The following SCN4B variants were observed in gnomAD, a reference collection of about 807,000 sequenced individuals.
SCN4B encodes the protein sodium voltage-gated channel beta subunit 4, also known as sodium channel regulatory subunit beta-4.
Under a neutral mutation model 19.6 loss-of-function variants are expected in SCN4B, and 20 were observed. That is an observed-to-expected ratio of 1.02 (90% confidence interval 0.72 to 1.48). The LOEUF (loss-of-function observed/expected upper bound fraction) is 1.48, where lower values mean the gene tolerates loss of function less well. Ranked by LOEUF, SCN4B falls within the 40% of genes most tolerant of loss-of-function variation. The probability of loss-of-function intolerance (pLI) is 0.00; values close to 1 mark genes in which losing one functional copy is unlikely to be tolerated. For synonymous variants in SCN4B, 127 were observed against 122.8 expected (o/e 1.03, Z -0.22); for missense variants, 271 against 287.5 (o/e 0.94, Z 0.42).
chr11:118,152,455 TGAACCAGGCAG>T (rs1217803059), intron 1 of SCN4B, among the ~76,000 whole-genome samples, 147 bp downstream of exon 1: 1 of 152,130 alleles, frequency 6.6e-6, no homozygotes, highest in Non-Finnish European at 1.5e-5. Flanking sequence ...GCACAGCCTA[TGAACCAGGCAG>T]GAACCAGGCA....
At chr11:118,140,016 G>A (rs111587808) in intron 4 of SCN4B, among the ~76,000 whole-genome samples, 2 of 151,576 alleles carry the variant, frequency 1.3e-5, no homozygotes, top group Non-Finnish European at 2.9e-5. Context: ...GGGACTTCAG[G>A]CACACACATC....
rs768656007 is a variant in SCN4B at position 118,145,212 on chromosome 11, C to G, written c.79G>C (p.Val27Leu). The G allele has an allele frequency of 3.7e-6, 6 of 1,613,998 alleles. No individual in the cohort carries two copies. Among genetic ancestry groups the G allele is most frequent in the Non-Finnish European group, 5.1e-6 (6 of 1,179,994 alleles). ...TGLLGLFLLP[V>L]TLSLEVSVGK... Reference sequence around the variant, plus strand: ...ACAGACACCTCCAGCGACAGGGTTACGGGGAGCAGGAAGAGGCCTGTGTAA... The same window carrying G: ...ACAGACACCTCCAGCGACAGGGTTAGGGGGAGCAGGAAGAGGCCTGTGTAA... The change falls in exon 2 of 5, where the codon GTA (valine) becomes CTA (leucine). Residue 27 changes from valine to leucine, a missense_variant. Val to Leu is a conservative substitution (Grantham distance 32, BLOSUM62 1). Coordinates refer to ENST00000324727, the MANE Select transcript of SCN4B (RefSeq NM_174934.4).
Position 118,148,277 on chromosome 11 carries a change from C to G in SCN4B, c.62-3048G>C, listed in dbSNP as rs1410510924. Among the ~76,000 whole-genome samples, 1 of 152,234 alleles carries G rather than the reference C, an allele frequency of 6.6e-6. No homozygotes were observed. Among genetic ancestry groups the G allele is most frequent in the Non-Finnish European group, 1.5e-5 (1 of 68,046 alleles). On this transcript the variant is annotated intron_variant, in intron 1 of 4. Coordinates refer to ENST00000324727, the MANE Select transcript of SCN4B (RefSeq NM_174934.4). This position sits in a 1 kb window ranked among gnomAD's most constrained non-coding sequence, Gnocchi z 4.0. ...CCTCCCAGTCGGGAGTCATGCAGTC[C>G]TGCCAGTTATGTCTGGGAGGGTCAT...
Position 118,135,700 on chromosome 11 carries a change from T to G in SCN4B, c.*1327A>C. ...TGGGGAGGGGAGGGCTGGCGAACCC[T>G]CACCAGCACCACACCAGACTCTGCT... On this transcript the variant is annotated 3_prime_UTR_variant, in exon 5 of 5. Transcript: ENST00000324727. 2.2e-6 allele frequency: 1 copy of G among 454,302 alleles called. No homozygotes were observed. The highest frequency in any genetic ancestry group is 1.6e-5 in the South Asian group (1 of 64,464). The allele number at this position is 454,302 out of a possible 1,614,324, so 28.1% of individuals were successfully genotyped here. A position where few individuals can be genotyped will look rare whatever the true frequency, so the allele number is the denominator to read the frequency against.
intron 1 of SCN4B, among the ~76,000 whole-genome samples, chr11:118,151,267 T>C (rs965600611): frequency 3.3e-5 from 5 of 152,002 alleles, no homozygotes; most frequent in African/African-American, 1.2e-4. Flanking sequence ...TGAAGTGGGG[T>C]AGTTTAATGA....
Position 118,134,956 on chromosome 11 carries a change from G to A in SCN4B, c.*2071C>T, listed in dbSNP as rs1346284234. 2.2e-6 allele frequency: 1 copy of A among 454,136 alleles called. No individual in the cohort carries two copies. The highest frequency in any genetic ancestry group is 4.4e-6 in the Non-Finnish European group (1 of 226,782). The allele number at this position is 454,136 out of a possible 1,614,324, so 28.1% of individuals were successfully genotyped here. A position where few individuals can be genotyped will look rare whatever the true frequency, so the allele number is the denominator to read the frequency against. On this transcript the variant is annotated 3_prime_UTR_variant, in exon 5 of 5. Transcript: ENST00000324727. ...AGAAATCAGCAGTAGACCCTGGGGA[G>A]GAAAGAGAGGATGGTGCCCTTCTTC...
At chr11:118,150,949 G>T (rs1948227753) in intron 1 of SCN4B, among the ~76,000 whole-genome samples, 2 of 152,188 alleles carry the variant, frequency 1.3e-5, no homozygotes, top group Admixed American at 6.5e-5. Context: ...CCACCTACAA[G>T]TCACTCTGCT....
rs989228248 is a variant in SCN4B at position 118,135,196 on chromosome 11, A to G, written c.*1831T>C. 1.5e-5 allele frequency: 7 copies of G among 453,910 alleles called. No individual in the cohort carries two copies. The highest frequency in any genetic ancestry group is 3.1e-5 in the Non-Finnish European group (7 of 226,752). 28.1% of individuals were successfully genotyped at this position (453,910 alleles called of 1,614,324 possible). On this transcript the variant is annotated 3_prime_UTR_variant, in exon 5 of 5. Coordinates refer to ENST00000324727, the MANE Select transcript of SCN4B (RefSeq NM_174934.4). ...GCCCATGACAGGTTCTGGGTAGAGA[A>G]GAATGGGAGGCGCACAGGCAGATCA...
intron 1 of SCN4B, among the ~76,000 whole-genome samples, chr11:118,151,382 C>T (rs1287439736): frequency 6.6e-6 from 1 of 152,204 alleles, no homozygotes; most frequent in Non-Finnish European, 1.5e-5. Flanking sequence ...TGGAATGGCG[C>T]TGTGCCCACC....
chr11:118,146,884 C>G (rs1948183756), intron 1 of SCN4B, among the ~76,000 whole-genome samples: 3 of 151,988 alleles, frequency 2.0e-5, no homozygotes, highest in Admixed American at 2.0e-4. Flanking sequence ...CCAGATCTAC[C>G]CACCAGGGCT....
At chr11:118,138,559 C>T (rs1948054144) in intron 4 of SCN4B, among the ~76,000 whole-genome samples, 2 of 151,856 alleles carry the variant, frequency 1.3e-5, no homozygotes, top group African/African-American at 2.4e-5. Context: ...CAATTACGAC[C>T]CACCGAACTG....
At position 118,137,053 on chromosome 11, in the gene SCN4B, C is replaced by A. The variant is rs992079470; in HGVS notation, c.661G>T (p.Glu221Ter). ...TENGLPGSKA[E>*]EKPPSKV is the part of the protein sequence containing the mutation. ...CACACTTTTGAAGGTGGTTTCTCCT[C>A]TGCCTTGGAGCCAGGCAAGCCGTTC... The change falls in exon 5 of 5, where the codon GAG (glutamate) becomes TAG (stop). Residue 221 changes from glutamate (E) to a stop codon, truncating the protein, a stop_gained. Transcript: ENST00000324727. LOFTEE classifies it high-confidence loss of function. 6.2e-7 allele frequency: 1 copy of A among 1,613,932 alleles called. No homozygotes were observed.
At position 118,134,842 on chromosome 11, in the gene SCN4B, T is replaced by C. The variant is rs1947972937; in HGVS notation, c.*2185A>G. On this transcript the variant is annotated 3_prime_UTR_variant, in exon 5 of 5. Transcript: ENST00000324727. Reference sequence around the variant, plus strand: ...GTTTTTAGACAAAACTTGCCAAGCCTCACAACAGTCCTGTGAGGTAGGTAA... The same window carrying C: ...GTTTTTAGACAAAACTTGCCAAGCCCCACAACAGTCCTGTGAGGTAGGTAA... 6.6e-6 allele frequency: 3 copies of C among 454,050 alleles called. No individual in the cohort carries two copies. Among genetic ancestry groups the C allele is most frequent in the Non-Finnish European group, 8.8e-6 (2 of 226,770 alleles). The allele number at this position is 454,050 out of a possible 1,614,324, so 28.1% of individuals were successfully genotyped here. A position where few individuals can be genotyped will look rare whatever the true frequency, so the allele number is the denominator to read the frequency against.
chr11:118,152,701 G>A lies in SCN4B; in HGVS notation c.-28C>T, dbSNP rs770000494. 16 of 1,570,366 alleles carry A rather than the reference G, an allele frequency of 1.0e-5. No individual in the cohort carries two copies. In the Admixed American group the frequency reaches 2.4e-4, roughly 24 times the overall value. ...TCCTGTTCTCTCCGGAGCGCGCGGG[G>A]GTCGCGGGGATGGGATACTGGGCAC... On this transcript the variant is annotated 5_prime_UTR_variant, in exon 1 of 5. Coordinates refer to ENST00000324727, the MANE Select transcript of SCN4B (RefSeq NM_174934.4).
intron 1 of SCN4B, among the ~76,000 whole-genome samples, chr11:118,150,597 G>C (rs2135509160): frequency 6.6e-6 from 1 of 152,300 alleles, no homozygotes; most frequent in African/African-American, 2.4e-5. Context: ...TGTCCCACTT[G>C]GCCATCAATT....
At position 118,137,009 on chromosome 11, in the gene SCN4B, C is replaced by T; in HGVS notation, c.*18G>A. ...TCAGAAAGGGGGCTCCCTGCAGCTG[C>T]TCAGCCCGAAGCAGGGCTCACACTT... On this transcript the variant is annotated 3_prime_UTR_variant, in exon 5 of 5. Coordinates refer to ENST00000324727, the MANE Select transcript of SCN4B (RefSeq NM_174934.4). 1.3e-6 allele frequency: 2 copies of T among 1,581,828 alleles called. No homozygotes were observed. Among genetic ancestry groups the T allele is most frequent in the Non-Finnish European group, 1.7e-6 (2 of 1,150,710 alleles).
intron 1 of SCN4B, among the ~76,000 whole-genome samples, chr11:118,146,530 G>T (rs1246882189): frequency 6.6e-6 from 1 of 152,150 alleles, no homozygotes; most frequent in Non-Finnish European, 1.5e-5. Flanking sequence ...TGCCCCCACC[G>T]GATGATAATG....
rs1283588553 is a variant in SCN4B at position 118,136,416 on chromosome 11, C to T, written c.*611G>A. 1 of 453,424 alleles carries T rather than the reference C, an allele frequency of 2.2e-6. No individual in the cohort carries two copies. Among genetic ancestry groups the T allele is most frequent in the African/African-American group, 2.0e-5 (1 of 49,794 alleles). 28.1% of individuals were successfully genotyped at this position (453,424 alleles called of 1,614,324 possible). A position where few individuals can be genotyped will look rare whatever the true frequency, so the allele number is the denominator to read the frequency against. On this transcript the variant is annotated 3_prime_UTR_variant, in exon 5 of 5. Transcript: ENST00000324727. ...GTTGAGAGGGCTTAAAAACTCTGAG[C>T]AGGGGAGGGGATAGGCAGATAGGGT...
rs1365995658 is a variant in SCN4B, at chr11:118,144,059, G to A, written c.237C>T (p.Leu79=). 2 of 1,606,960 alleles carry A rather than the reference G, an allele frequency of 1.2e-6. No individual in the cohort carries two copies. The highest frequency in any genetic ancestry group is 1.3e-5 in the African/African-American group (1 of 74,836). The change falls in exon 3 of 5, where the codon CTC becomes CTT. Residue 79 remains leucine (L), a splice_region_variant and synonymous_variant. Coordinates refer to ENST00000324727, the MANE Select transcript of SCN4B (RefSeq NM_174934.4). ...TCTCATTCTTCACAGTCCCCTCTAT[G>A]AGCTGGTGGAGGAAGGGAGTTGGGG... ...TYNSSDAFKI[L]IEGTVKNEKS...
Sources: allele counts gnomAD v4.1 joint callset (sites outside exome capture counted in the v4.1 genomes callset), GRCh38; gene constraint gnomAD v4.1.1; non-coding constraint Gnocchi (gnomAD v3.1); transcripts MANE v1.5; gene names NCBI Gene and HGNC (gene_info 2026-07-23, HGNC 2026-07-21).